CFAP46: variants seen among roughly 807,000 people sequenced by gnomAD.
CFAP46 encodes the protein cilia- and flagella-associated protein 46.
In CFAP46, 245 loss-of-function variants were observed where a neutral mutation model predicts 325.7. That is an observed-to-expected ratio of 0.75 (90% CI 0.68 to 0.84). The LOEUF is 0.84. Among genes scored for constraint, CFAP46 ranks in the 40% least tolerant of loss-of-function variants. The pLI, the probability that CFAP46 is intolerant of heterozygous loss-of-function variation, is 0.00. For missense variants in CFAP46, 3,346 were observed against 3,543.0 expected, an observed-to-expected ratio of 0.94 and a Z score of 1.41; for synonymous variants, 1,523 against 1,495.9, an observed-to-expected ratio of 1.02 and a Z score of -0.42.
intron 15 of CFAP46, 122 bp from the exon 16 acceptor site, chr10:132,918,642 A>G: frequency 7.7e-7 from 1 of 1,300,104 alleles, no homozygotes; most frequent in Non-Finnish European, 1.0e-6. Context: ...GGGTCCGCCA[A>G]GGTGGGCGGG....
intron 50 of CFAP46, among the ~76,000 whole-genome samples, chr10:132,830,904 A>AGG (rs2134977468): frequency 6.6e-6 from 1 of 152,258 alleles, no homozygotes; most frequent in South Asian, 2.1e-4. Context: ...CTTCTTTCCT[A>AGG]ACATACATGC....
At position 132,808,641 on chromosome 10, in the gene CFAP46, A is replaced by T; in HGVS notation, c.7928T>A (p.Leu2643His). The change falls in exon 58 of 58, where the codon CTT becomes CAT. Residue 2643 changes from leucine to histidine, a missense_variant. Coordinates refer to ENST00000368586, the MANE Select transcript of CFAP46 (RefSeq NM_001200049.3). This position sits in a 1 kb window ranked among gnomAD's most constrained non-coding sequence, Gnocchi z 6.8. ...ALPFLGLSPA[L>H]GAASARDPPP... ...AGGGTCCCTGGCTGAGGCTGCACCAAGGGCTGGGGAGAGGCCCAGGAAGGG... is the reference window on the plus strand; with the variant it reads ...AGGGTCCCTGGCTGAGGCTGCACCATGGGCTGGGGAGAGGCCCAGGAAGGG... The T allele has an allele frequency of 6.2e-7, 1 of 1,603,080 alleles. No homozygotes were observed. The highest frequency in any genetic ancestry group is 8.5e-7 in the Non-Finnish European group (1 of 1,174,792).
chr10:132,822,977 CAG>C (rs1847911365), intron 50 of CFAP46, among the ~76,000 whole-genome samples: 6 of 104,774 alleles, frequency 5.7e-5, no homozygotes, highest in East Asian at 3.2e-4. Context: ...GCTGTGTGTG[CAG>C]TGATGTGTGC....
intron 8 of CFAP46, among the ~76,000 whole-genome samples, chr10:132,932,113 C>A (rs1214460380): frequency 6.8e-6 from 1 of 147,810 alleles, no homozygotes; most frequent in Non-Finnish European, 1.5e-5. Context: ...CTGGGCCTTC[C>A]TCCTCCCCAC....
intron 5 of CFAP46, among the ~76,000 whole-genome samples, 193 bp from the exon 6 acceptor site, chr10:132,937,868 C>T (rs552959866): frequency 2.6e-5 from 4 of 152,282 alleles, no homozygotes; most frequent in Admixed American, 6.5e-5. Flanking sequence ...AGCTCGTTAC[C>T]GCTAGCACCG....
At chr10:132,838,673 C>T (rs1411068482) in intron 44 of CFAP46, among the ~76,000 whole-genome samples, 1 of 152,248 alleles carries the variant, frequency 6.6e-6, no homozygotes, top group East Asian at 1.9e-4. Flanking sequence ...GGTGGCTTCC[C>T]GTCAATGGGG....
intron 31 of CFAP46, 95 bp from the exon 32 acceptor site, chr10:132,872,919 GC>G: frequency 1.4e-6 from 2 of 1,383,816 alleles, no homozygotes; most frequent in South Asian, 2.7e-5. Context: ...CCCTCCCCAT[GC>G]CAGCACATGT....
intron 35 of CFAP46, among the ~76,000 whole-genome samples, chr10:132,863,486 C>T (rs548302395): frequency 6.6e-5 from 10 of 152,192 alleles, no homozygotes; most frequent in African/African-American, 2.4e-4. Flanking sequence ...TGCACACACC[C>T]GTCTCTGCTA....
chr10:132,838,532 CTGGCT>C (rs1848302528), intron 44 of CFAP46, among the ~76,000 whole-genome samples: 1 of 152,288 alleles, frequency 6.6e-6, no homozygotes, highest in African/African-American at 2.4e-5. Context: ...TGCCGGGCCT[CTGGCT>C]TGCGCCGTGG....
intron 22 of CFAP46, 110 bp from the exon 23 acceptor site, chr10:132,899,776 G>A: frequency 7.8e-7 from 1 of 1,274,442 alleles, no homozygotes; most frequent in African/African-American, 1.5e-5. Context: ...TTCTAAGATG[G>A]GGCACCTCCT....
intron 50 of CFAP46, among the ~76,000 whole-genome samples, chr10:132,821,397 GTGTGTGC>G (rs1336418958): frequency 2.9e-5 from 4 of 136,654 alleles, no homozygotes; most frequent in African/African-American, 8.4e-5. Flanking sequence ...TGTGTGCTGT[GTGTGTGC>G]TGTGTGCTGT....
intron 39 of CFAP46, among the ~76,000 whole-genome samples, chr10:132,854,305 G>A (rs563336215): frequency 1.2e-4 from 18 of 149,150 alleles, no homozygotes; most frequent in Admixed American, 2.7e-4. Flanking sequence ...TTGGCATTTC[G>A]TGCATACATA....
intron 9 of CFAP46, among the ~76,000 whole-genome samples, chr10:132,928,651 A>G (rs10747051): frequency 0.55 from 83,868 of 152,074 alleles, 24,035 homozygotes; most frequent in African/African-American, 0.7. Context: ...GCACACAGCA[A>G]GTGCTCAATG....
chr10:132,916,164 A>C (rs1014130658), intron 17 of CFAP46, among the ~76,000 whole-genome samples: 2 of 152,142 alleles, frequency 1.3e-5, no homozygotes, highest in Non-Finnish European at 2.9e-5. Context: ...CTGAGCAAAT[A>C]CAGAAGCTGC....
chr10:132,919,317 C>G lies in CFAP46; in HGVS notation c.1856G>C (p.Arg619Pro). 6.5e-7 allele frequency: 1 copy of G among 1,549,562 alleles called. No individual in the cohort carries two copies. Among genetic ancestry groups the G allele is most frequent in the Non-Finnish European group, 8.7e-7 (1 of 1,146,574 alleles). ...CACTCGTGAGGGCGGGTACGAACCT[C>G]GCCGCAGCCTCAACTTCTTCACCTT... is the stretch of plus-strand genomic sequence containing the variant. Reference protein sequence around the residue: ...NVKVKKLRLRRGKKKRGRDGS... With the variant: ...NVKVKKLRLRPGKKKRGRDGS... The change falls in exon 15 of 58, where the codon CGA becomes CCA. Residue 619 changes from arginine (R) to proline (P), a missense_variant and splice_region_variant. Coordinates refer to ENST00000368586, the MANE Select transcript of CFAP46 (RefSeq NM_001200049.3). This position sits in a 1 kb window ranked among gnomAD's most constrained non-coding sequence, Gnocchi z 9.7.
intron 44 of CFAP46, among the ~76,000 whole-genome samples, chr10:132,838,915 T>C (rs1027924592): frequency 1.3e-5 from 2 of 152,230 alleles, no homozygotes; most frequent in Non-Finnish European, 1.5e-5. Context: ...TGGGAGCCAT[T>C]CTGGTTGGTG....
chr10:132,928,794 T>C (rs1849847996), intron 9 of CFAP46, among the ~76,000 whole-genome samples: 1 of 152,228 alleles, frequency 6.6e-6, no homozygotes, highest in South Asian at 2.1e-4. Flanking sequence ...TTCCCTGCTC[T>C]GTGGAAGAGC....
chr10:132,810,127 G>A (rs887224116), intron 57 of CFAP46, among the ~76,000 whole-genome samples: 13 of 152,344 alleles, frequency 8.5e-5, no homozygotes, highest in East Asian at 1.9e-4. Flanking sequence ...ACGAGGAACC[G>A]TGATGCTTTC....
intron 1 of CFAP46, 86 bp from the exon 2 acceptor site, chr10:132,942,190 G>A (rs1850115876): frequency 1.3e-6 from 2 of 1,493,960 alleles, no homozygotes; most frequent in South Asian, 1.3e-5. Context: ...GCCCCAGGCA[G>A]CCGCCTTGGG....
Sources: gnomAD v4.1 joint callset for allele counts (sites outside exome capture counted in the v4.1 genomes callset) on GRCh38, gnomAD v4.1.1 for gene constraint, Gnocchi (gnomAD v3.1) non-coding constraint, MANE v1.5 for transcripts, NCBI Gene and HGNC (gene_info 2026-07-23, HGNC 2026-07-21) for gene names.